The following ZP3 variants were observed in gnomAD, a reference collection of about 807,000 sequenced individuals.
The protein encoded by ZP3 is zona pellucida glycoprotein 3.
A neutral mutation model predicts 35.6 loss-of-function variants in ZP3; 21 were observed. That is an observed-to-expected ratio of 0.59 (90% CI 0.42 to 0.85). ZP3 has a LOEUF of 0.85. ZP3 is among the 40% of genes least tolerant of loss of function. The pLI is 0.00. For synonymous variants in ZP3, 207 were observed against 214.5 expected (o/e 0.96, Z 0.31); for missense variants, 437 against 536.5 (o/e 0.81, Z 1.83).
intron 5 of ZP3, among the ~76,000 whole-genome samples, chr7:76,437,157 C>G (rs1205196573): frequency 6.8e-6 from 1 of 146,352 alleles, no homozygotes; most frequent in Non-Finnish European, 1.5e-5. Flanking sequence ...CTCAACAGAG[C>G]AAGACCCTGT....
chr7:76,409,161 C>T (rs969565826), intron 1 of ZP3, among the ~76,000 whole-genome samples: 3 of 152,020 alleles, frequency 2.0e-5, no homozygotes. Flanking sequence ...GCCCTTGGCA[C>T]AGGGTGGATA....
At chr7:76,427,924 C>T (rs946870201) in intron 1 of ZP3, among the ~76,000 whole-genome samples, 1 of 152,140 alleles carries the variant, frequency 6.6e-6, no homozygotes, top group African/African-American at 2.4e-5. Context: ...AAGCAATCCT[C>T]TTCCCTCCCA....
chr7:76,424,675 A>AACAC (rs371599860), upstream of ZP3, among the ~76,000 whole-genome samples: 1 of 151,608 alleles, frequency 6.6e-6, no homozygotes, highest in African/African-American at 2.4e-5. Flanking sequence ...ACAAACCACA[A>AACAC]ACACACACAC....
chr7:76,433,135 T>TTGGTTTTGGC, intron 3 of ZP3, 105 bp downstream of exon 3: 1 of 615,112 alleles, frequency 1.6e-6, no homozygotes. Flanking sequence ...TTGGTTTTGG[T>TTGGTTTTGGC]TGGTTTTGGT....
At chr7:76,415,056 T>A (rs1201296908) in intron 1 of ZP3, among the ~76,000 whole-genome samples, 1 of 151,120 alleles carries the variant, frequency 6.6e-6, no homozygotes, top group Non-Finnish European at 1.5e-5. Flanking sequence ...TAAGCACATT[T>A]TACAATTACG....
At chr7:76,412,130 G>T (rs565037816) in intron 1 of ZP3, among the ~76,000 whole-genome samples, 93 of 151,214 alleles carry the variant, frequency 6.2e-4, no homozygotes, top group Admixed American at 3.6e-3. Context: ...TGAGGCTGCA[G>T]TGAGCTGTGC....
intron 1 of ZP3, among the ~76,000 whole-genome samples, chr7:76,428,401 T>C (rs567308103): frequency 6.6e-6 from 1 of 152,292 alleles, no homozygotes; most frequent in African/African-American, 2.4e-5. Context: ...GGAAAGGTTG[T>C]AAAAATACTG....
intron 1 of ZP3, among the ~76,000 whole-genome samples, chr7:76,419,827 C>G (rs955622682): frequency 2.1e-5 from 3 of 139,970 alleles, no homozygotes; most frequent in South Asian, 5.2e-4. Context: ...GAGACAGACT[C>G]TCACTCTGTC....
At chr7:76,440,142 C>G in intron 5 of ZP3, 108 bp from the exon 6 acceptor site, 1 of 1,476,406 alleles carries the variant, frequency 6.8e-7, no homozygotes, top group Non-Finnish European at 9.1e-7. Context: ...CCAATGCACC[C>G]GGCCCCTTCT....
At chr7:76,419,607 CCCTT>C (rs920950125) in intron 1 of ZP3, among the ~76,000 whole-genome samples, 31 of 150,582 alleles carry the variant, frequency 2.1e-4, no homozygotes, top group African/African-American at 7.3e-4. Context: ...TTTTCTTTCT[CCCTT>C]CCTTCCTTCT....
At position 76,431,714 on chromosome 7, in the gene ZP3, G is replaced by A. The variant is rs528788573; in HGVS notation, c.432-1213G>A. 1.4e-4 allele frequency among the ~76,000 whole-genome samples: 21 copies of A among 152,184 alleles called. No homozygotes were observed. The East Asian group carries it at 2.5e-3, about 18-fold the overall frequency. ...GGAGATGGAGACCATCCTGGCTAAC[G>A]TGGTGAAACCCCGTCTCTACTAAAA... On this transcript the variant is annotated intron_variant, in intron 2 of 7. Transcript: ENST00000394857.
At chr7:76,415,973 T>C (rs1805360757) in intron 1 of ZP3, among the ~76,000 whole-genome samples, 1 of 142,526 alleles carries the variant, frequency 7.0e-6, no homozygotes, top group South Asian at 2.2e-4. Flanking sequence ...CTACTAAAAA[T>C]ACAAAAATTA....
intron 1 of ZP3, among the ~76,000 whole-genome samples, chr7:76,428,164 T>TAA (rs71521125): frequency 0.013 from 1,681 of 133,946 alleles, 30 homozygotes; most frequent in African/African-American, 0.035. Context: ...TGTCTCTATT[T>TAA]AAAAAAAAAA....
At chr7:76,404,347 G>T (rs752538526) in intron 1 of ZP3, 1 of 1,612,746 alleles carries the variant, frequency 6.2e-7, no homozygotes, top group Admixed American at 1.7e-5. Context: ...CTTGGGGGAG[G>T]AAGGGAGGGG....
chr7:76,406,341 A>C (rs1002727287), intron 1 of ZP3, among the ~76,000 whole-genome samples: 2 of 152,278 alleles, frequency 1.3e-5, no homozygotes, highest in South Asian at 4.1e-4. Flanking sequence ...GAGGATATAG[A>C]TACTCATGTA....
upstream of ZP3, among the ~76,000 whole-genome samples, chr7:76,423,235 G>A (rs1434306371): frequency 6.6e-6 from 1 of 151,332 alleles, no homozygotes; most frequent in African/African-American, 2.4e-5. Context: ...GAGGGAAAGA[G>A]AGAGAGAGAG....
At chr7:76,431,959 G>A (rs1805839150) in intron 2 of ZP3, among the ~76,000 whole-genome samples, 1 of 151,644 alleles carries the variant, frequency 6.6e-6, no homozygotes, top group Non-Finnish European at 1.5e-5. Context: ...GTGGAGTACT[G>A]TGCAGGGCCT....
chr7:76,434,153 A>G lies in ZP3; in HGVS notation c.829A>G (p.Met277Val). 4.1e-6 allele frequency: 5 copies of G among 1,234,432 alleles called. No homozygotes were observed. The highest frequency in any genetic ancestry group is 3.4e-6 in the Non-Finnish European group (3 of 872,884). 76.5% of individuals were successfully genotyped at this position (1,234,432 alleles called of 1,614,324 possible). Residue 277 changes from methionine (M) to valine (V), a missense_variant and splice_region_variant, in exon 5 of 8, where the codon ATG becomes GTG. Met to Val is a conservative substitution (Grantham distance 21). This residue lies in a region of ZP3 where 26 missense variants were observed against 78.2 expected (regional missense o/e 0.33). Coordinates refer to ENST00000394857, the MANE Select transcript of ZP3 (RefSeq NM_001110354.2). ...VFHFANDSRN[M>V]IYITCHLKVT... ...CCACTTTGCTAATGACTCCAGAAAC[A>G]TGGTAAGAGCTTTAACAGCCTGAAA...
At chr7:76,400,574 C>T (rs1202705257) in intron 1 of ZP3, 15 of 1,479,906 alleles carry the variant, frequency 1.0e-5, no homozygotes, top group Non-Finnish European at 1.3e-5. Context: ...CGGCTGGGGC[C>T]CCCCACCAGC....
Sources: gnomAD v4.1 joint callset for allele counts (sites outside exome capture counted in the v4.1 genomes callset) on GRCh38, gnomAD v4.1.1 for gene constraint, gnomAD v4.1.1 regional missense constraint, MANE v1.5 for transcripts, NCBI Gene and HGNC (gene_info 2026-07-23, HGNC 2026-07-21) for gene names.